The following ITPR2 variants were observed in gnomAD, a reference collection of about 807,000 sequenced individuals.
The protein encoded by ITPR2 is inositol 1,4,5-trisphosphate receptor type 2, also known as inositol 1,4,5-trisphosphate-gated calcium channel ITPR2.
ITPR2 carries 207 observed loss-of-function variants against 317.1 expected under a neutral mutation model. That is an observed-to-expected ratio of 0.65 (90% confidence interval 0.58 to 0.73). ITPR2 has a LOEUF of 0.73. Among genes scored for constraint, ITPR2 ranks in the 30% least tolerant of loss-of-function variants. The pLI is 0.00. For missense variants in ITPR2, 2,613 were observed against 3,284.0 expected, an observed-to-expected ratio of 0.80 and a Z score of 4.99; for synonymous variants, 1,156 against 1,149.1, an observed-to-expected ratio of 1.01 and a Z score of -0.12.
rs573046119 is a variant in ITPR2, at chr12:26,524,700, G to A, written c.5073+25547C>T. Among the ~76,000 whole-genome samples, 4 of 152,142 alleles carry A rather than the reference G, an allele frequency of 2.6e-5. 1 individual carries two copies. The highest frequency in any genetic ancestry group is 9.6e-5 in the African/African-American group (4 of 41,524). On this transcript the variant is annotated intron_variant, in intron 37 of 56. Coordinates refer to ENST00000381340, the MANE Select transcript of ITPR2 (RefSeq NM_002223.4). ...AAAAAGATTGGTTTAATCTATACAAGGGCTGAAAACAAAGTACACAAACCA... is the reference window on the plus strand; with the variant it reads ...AAAAAGATTGGTTTAATCTATACAAAGGCTGAAAACAAAGTACACAAACCA...
At chr12:26,551,448 C>T (rs780601523) in intron 36 of ITPR2, among the ~76,000 whole-genome samples, 6 of 152,308 alleles carry the variant, frequency 3.9e-5, no homozygotes, top group Non-Finnish European at 8.8e-5. Context: ...TCCATCTGAC[C>T]TCAGAGCGAA....
chr12:26,432,850 T>C (rs1449923593), intron 48 of ITPR2, among the ~76,000 whole-genome samples: 4 of 152,208 alleles, frequency 2.6e-5, no homozygotes, highest in Non-Finnish European at 5.9e-5. Context: ...CATGTCTCCA[T>C]CATTTTTAAG....
intron 26 of ITPR2, among the ~76,000 whole-genome samples, chr12:26,616,790 C>A (rs1266006570): frequency 6.6e-6 from 1 of 152,066 alleles, no homozygotes; most frequent in African/African-American, 2.4e-5. Flanking sequence ...TTTACCTCTG[C>A]CCCCCTTCAG....
chr12:26,647,517 T>C (rs992794622), intron 21 of ITPR2, among the ~76,000 whole-genome samples: 1 of 152,228 alleles, frequency 6.6e-6, no homozygotes, highest in African/African-American at 2.4e-5. Context: ...AAAAGTGAAA[T>C]GTTTGCAAAG....
chr12:26,593,194 A>G (rs1196110272), intron 32 of ITPR2, among the ~76,000 whole-genome samples: 1 of 152,226 alleles, frequency 6.6e-6, no homozygotes, highest in Non-Finnish European at 1.5e-5. Flanking sequence ...TCCCTGGACC[A>G]GCACCTGCAG....
At chr12:26,364,452 T>C (rs1938941444) in intron 55 of ITPR2, among the ~76,000 whole-genome samples, 1 of 152,238 alleles carries the variant, frequency 6.6e-6, no homozygotes, top group Non-Finnish European at 1.5e-5. Flanking sequence ...CTAAGGTAGA[T>C]ACTAGTCAGT....
intron 51 of ITPR2, among the ~76,000 whole-genome samples, chr12:26,414,031 T>C (rs372579463): frequency 1.6e-5 from 2 of 122,676 alleles, no homozygotes; most frequent in Non-Finnish European, 3.4e-5. Flanking sequence ...GGGAAGCAGA[T>C]AGTCTACATG....
At chr12:26,784,353 C>G (rs1163307635) in intron 2 of ITPR2, among the ~76,000 whole-genome samples, 9 of 99,714 alleles carry the variant, frequency 9.0e-5, no homozygotes, top group African/African-American at 3.1e-4. Flanking sequence ...CCCTCTCCCT[C>G]TCCCTCTCCC....
At chr12:26,586,362 C>T (rs1036318729) in intron 32 of ITPR2, among the ~76,000 whole-genome samples, 2 of 152,148 alleles carry the variant, frequency 1.3e-5, no homozygotes, top group Non-Finnish European at 2.9e-5. Context: ...GGGTCTCAAG[C>T]TTCTGGCCTT....
chr12:26,567,978 T>TAATATA (rs1555157717), intron 34 of ITPR2, among the ~76,000 whole-genome samples: 1 of 27,168 alleles, frequency 3.7e-5, no homozygotes, highest in African/African-American at 1.3e-4. Context: ...ATTATATATA[T>TAATATA]TATATATATA....
chr12:26,408,361 T>G (rs112686071), intron 52 of ITPR2, among the ~76,000 whole-genome samples: 69 of 152,356 alleles, frequency 4.5e-4, no homozygotes, highest in African/African-American at 1.6e-3. Flanking sequence ...TTTCTAAAAA[T>G]ATTTACTTTT....
chr12:26,620,179 A>G (rs563198940), intron 26 of ITPR2, among the ~76,000 whole-genome samples: 1 of 152,362 alleles, frequency 6.6e-6, no homozygotes, highest in African/African-American at 2.4e-5. Flanking sequence ...GGAACTTAAA[A>G]GCCAAAAGGG....
chr12:26,536,164 T>C (rs1346815944), intron 37 of ITPR2, among the ~76,000 whole-genome samples: 1 of 152,192 alleles, frequency 6.6e-6, no homozygotes, highest in East Asian at 1.9e-4. Flanking sequence ...AGAGGTGGCA[T>C]ATACATTTAG....
intron 26 of ITPR2, among the ~76,000 whole-genome samples, chr12:26,612,210 T>A (rs1946283426): frequency 6.6e-6 from 1 of 151,818 alleles, no homozygotes; most frequent in African/African-American, 2.4e-5. Context: ...GAAAAAACTT[T>A]TTTTCCCCTC....
intron 37 of ITPR2, among the ~76,000 whole-genome samples, chr12:26,538,989 C>T (rs1944182096): frequency 1.3e-5 from 2 of 152,158 alleles, no homozygotes; most frequent in South Asian, 4.1e-4. Flanking sequence ...CAAGCAGACA[C>T]AGACACATTG....
intron 2 of ITPR2, among the ~76,000 whole-genome samples, chr12:26,786,890 T>C (rs951710936): frequency 6.6e-6 from 1 of 152,238 alleles, no homozygotes; most frequent in African/African-American, 2.4e-5. Flanking sequence ...TATGCTATTG[T>C]TTCTTCACCT....
In ITPR2 at chr12:26,668,252, T is replaced by G. The variant is rs60094627; in HGVS notation, c.1410-2201A>C. Among the ~76,000 whole-genome samples, 769 of 152,184 alleles carry G rather than the reference T, an allele frequency of 5.1e-3. 5 individuals carry two copies. The highest frequency in any genetic ancestry group is 0.017 in the African/African-American group (696 of 41,516). On this transcript the variant is annotated intron_variant, in intron 13 of 56. Coordinates refer to ENST00000381340, the MANE Select transcript of ITPR2 (RefSeq NM_002223.4). ...GGACCAAAAACACATGATAGGGAAA[T>G]AAACTAAACATATAAAACAGAGACA...
chr12:26,460,612 C>T (rs567734704), intron 45 of ITPR2, among the ~76,000 whole-genome samples: 69 of 152,254 alleles, frequency 4.5e-4, no homozygotes, highest in Admixed American at 9.8e-4. Context: ...GGTGAAAAGT[C>T]TGGAGCAGCT....
chr12:26,589,343 A>G (rs942616183), intron 32 of ITPR2, among the ~76,000 whole-genome samples: 3 of 152,152 alleles, frequency 2.0e-5, no homozygotes, highest in Non-Finnish European at 4.4e-5. Flanking sequence ...AAAATGAAAA[A>G]TACTAAAAAA....
Sources: gnomAD v4.1 joint callset for allele counts (sites outside exome capture counted in the v4.1 genomes callset) on GRCh38, gnomAD v4.1.1 for gene constraint, MANE v1.5 for transcripts, NCBI Gene and HGNC (gene_info 2026-07-23, HGNC 2026-07-21) for gene names.